The following ROCK2 variants were observed in gnomAD, a reference collection of about 807,000 sequenced individuals.
ROCK2 encodes rho-associated protein kinase 2.
Under a neutral mutation model 195.1 loss-of-function variants are expected in ROCK2, and 61 were observed. The observed-to-expected ratio is 0.31, with a 90% CI of 0.25 to 0.39. ROCK2 has a LOEUF of 0.39. Ranked by LOEUF, ROCK2 falls within the 10% of genes least tolerant of loss-of-function variation. The probability of loss-of-function intolerance (pLI) is 1.00; values close to 1 mark genes in which losing one functional copy is unlikely to be tolerated. For missense variants in ROCK2, 1,109 were observed against 1,637.4 expected, an observed-to-expected ratio of 0.68 and a Z score of 5.57; for synonymous variants, 504 against 545.5, an observed-to-expected ratio of 0.92 and a Z score of 1.06.
intron 1 of ROCK2, among the ~76,000 whole-genome samples, 185 bp from the exon 2 acceptor site, chr2:11,287,921 T>C (rs1214408250): frequency 6.6e-6 from 1 of 152,204 alleles, no homozygotes; most frequent in Non-Finnish European, 1.5e-5. Context: ...CAGAGAATAT[T>C]AGGACTGCCC....
chr2:11,303,943 C>T (rs72789514), intron 1 of ROCK2, among the ~76,000 whole-genome samples: 1 of 152,106 alleles, frequency 6.6e-6, no homozygotes, highest in African/African-American at 2.4e-5. Flanking sequence ...GACTGCCTTG[C>T]CCTATTATTT....
chr2:11,190,988 C>T (rs575357256), intron 32 of ROCK2, among the ~76,000 whole-genome samples: 1 of 152,240 alleles, frequency 6.6e-6, no homozygotes, highest in East Asian at 1.9e-4. Context: ...TGCTGAAACA[C>T]CAATTCTGCC....
At chr2:11,317,122 A>G (rs1045041462) in intron 1 of ROCK2, among the ~76,000 whole-genome samples, 1 of 152,144 alleles carries the variant, frequency 6.6e-6, no homozygotes, top group African/African-American at 2.4e-5. Flanking sequence ...GGAAAGCTTA[A>G]CTTTTCCTGC....
intron 17 of ROCK2, among the ~76,000 whole-genome samples, chr2:11,212,461 C>G (rs557766113): frequency 6.6e-6 from 1 of 151,996 alleles, no homozygotes; most frequent in East Asian, 1.9e-4. Flanking sequence ...AACTCACTGC[C>G]CCCCTTAAAA....
Position 11,286,605 on chromosome 2 carries a change from C to G in ROCK2, c.258G>C (p.Gln86His). 1.9e-6 allele frequency: 3 copies of G among 1,610,162 alleles called. No individual in the cohort carries two copies. The highest frequency in any genetic ancestry group is 2.5e-6 in the Non-Finnish European group (3 of 1,177,466). The part of the protein sequence containing the change: ...EKIVKKIRGL[Q>H]MKAEDYDVVK... ...CAACATCATAGTCTTCTGCCTTCAT[C>G]TGTAGACCTCTGATTTTTTTCACAA... Residue 86 changes from glutamine (Q) to histidine (H), a missense_variant, in exon 3 of 33, where the codon CAG becomes CAC. Gln to His is a conservative substitution (Grantham distance 24, BLOSUM62 0). Around this residue, in one of 6 missense-constraint regions of ROCK2, gnomAD observed 253 missense variants for 455.5 expected, o/e 0.56. Coordinates refer to ENST00000315872, the MANE Select transcript of ROCK2 (RefSeq NM_004850.5).
intron 1 of ROCK2, among the ~76,000 whole-genome samples, chr2:11,292,112 C>G (rs72787701): frequency 0.043 from 6,461 of 151,982 alleles, 276 homozygotes; most frequent in Non-Finnish European, 0.06. Context: ...ATTTCTAAAT[C>G]ACTGTTCACC....
rs1332920933 is a variant in ROCK2 at position 11,182,915 on chromosome 2, T to C, written c.*522A>G. ...TGATTAATGTGTATAAAAAATAAAG[T>C]GGGAAGTTTAAAAAACCTTCTTGCA... On this transcript the variant is annotated 3_prime_UTR_variant, in exon 33 of 33. Coordinates refer to ENST00000315872, the MANE Select transcript of ROCK2 (RefSeq NM_004850.5). 2 of 152,426 alleles carry C rather than the reference T, an allele frequency of 1.3e-5. No individual in the cohort carries two copies. Among genetic ancestry groups the C allele is most frequent in the Non-Finnish European group, 2.9e-5 (2 of 67,984 alleles). The allele number at this position is 152,426 out of a possible 1,614,324, so 9.4% of individuals were successfully genotyped here.
At chr2:11,208,968 A>G (rs1266722532) in intron 18 of ROCK2, among the ~76,000 whole-genome samples, 1 of 152,184 alleles carries the variant, frequency 6.6e-6, no homozygotes, top group African/African-American at 2.4e-5. Context: ...AAAATGTATC[A>G]CACTCTGCAA....
chr2:11,245,424 G>T (rs1665578705), intron 4 of ROCK2, among the ~76,000 whole-genome samples: 1 of 151,936 alleles, frequency 6.6e-6, no homozygotes, highest in Non-Finnish European at 1.5e-5. Context: ...ATTTAAAATA[G>T]TTACAATATC....
intron 3 of ROCK2, among the ~76,000 whole-genome samples, chr2:11,260,695 G>A (rs1480580727): frequency 6.6e-6 from 1 of 152,098 alleles, no homozygotes; most frequent in Admixed American, 6.6e-5. Context: ...ATCAACAGAA[G>A]CTAAAATATA....
At position 11,192,286 on chromosome 2, in the gene ROCK2, C is replaced by T. The variant is rs1460194351; in HGVS notation, c.4025G>A (p.Ser1342Asn). 1.9e-6 allele frequency: 3 copies of T among 1,613,876 alleles called. No individual in the cohort carries two copies. The African/African-American group carries it at 4.0e-5, about 22-fold the overall frequency. The change falls in exon 32 of 33, where the codon AGT becomes AAT. Residue 1342 changes from serine (S) to asparagine (N), a missense_variant. Physicochemically the swap from Ser to Asn is conservative, Grantham distance 46 (BLOSUM62 1). Coordinates refer to ENST00000315872, the MANE Select transcript of ROCK2 (RefSeq NM_004850.5). This position sits in a 1 kb window ranked among gnomAD's most constrained non-coding sequence, Gnocchi z 5.0. ...TTTAGGTATCTTTTTCACCAACCGA[C>T]TAACCCACTTCTGCTGCTCTTCTGT... The part of the protein sequence containing the change: ...NSTEEQQKWV[S>N]RLVKKIPKKP...
At chr2:11,286,399 A>G (rs1667190700) in intron 3 of ROCK2, 140 bp downstream of exon 3, 3 of 580,386 alleles carry the variant, frequency 5.2e-6, no homozygotes. Flanking sequence ...TTCCTTTTAT[A>G]GATGAGGACA....
intron 1 of ROCK2, among the ~76,000 whole-genome samples, chr2:11,317,612 A>ATATATATATATATATATTTTTTTT (rs59701503): frequency 5.2e-5 from 1 of 19,312 alleles, no homozygotes; most frequent in African/African-American, 1.6e-4. Context: ...ATATATATAT[A>ATATATATATATATATATTTTTTTT]TTTTTTTTTT....
chr2:11,199,421 A>T (rs1423411565), intron 23 of ROCK2, among the ~76,000 whole-genome samples: 1 of 151,140 alleles, frequency 6.6e-6, no homozygotes, highest in Non-Finnish European at 1.5e-5. Context: ...GGCTCTAAGG[A>T]TCCTCCCACC....
intron 3 of ROCK2, among the ~76,000 whole-genome samples, chr2:11,280,884 G>T (rs1301135263): frequency 6.6e-6 from 1 of 152,068 alleles, no homozygotes; most frequent in Non-Finnish European, 1.5e-5. Flanking sequence ...GATGTAGAGG[G>T]AATATTTCCA....
At chr2:11,280,306 C>T (rs1321082818) in intron 3 of ROCK2, among the ~76,000 whole-genome samples, 2 of 152,012 alleles carry the variant, frequency 1.3e-5, no homozygotes, top group African/African-American at 4.8e-5. Flanking sequence ...GGGAAAACCA[C>T]TAAGGATTCC....
At chr2:11,318,187 C>A (rs1668285740) in intron 1 of ROCK2, among the ~76,000 whole-genome samples, 1 of 152,178 alleles carries the variant, frequency 6.6e-6, no homozygotes, top group Non-Finnish European at 1.5e-5. Flanking sequence ...GGAATTGCCA[C>A]ACTGTCTTCC....
At chr2:11,236,156 A>G (rs1665195866) in intron 4 of ROCK2, among the ~76,000 whole-genome samples, 194 bp from the exon 5 acceptor site, 1 of 152,184 alleles carries the variant, frequency 6.6e-6, no homozygotes, top group Non-Finnish European at 1.5e-5. Flanking sequence ...AAATTTTTAT[A>G]TGGGTACCTT....
At chr2:11,321,324 C>T (rs1668392964) in intron 1 of ROCK2, among the ~76,000 whole-genome samples, 1 of 151,888 alleles carries the variant, frequency 6.6e-6, no homozygotes, top group Non-Finnish European at 1.5e-5. Flanking sequence ...TACAGGTGCA[C>T]GCCACCGCAC....
Sources: allele counts gnomAD v4.1 joint callset (sites outside exome capture counted in the v4.1 genomes callset), GRCh38; gene constraint gnomAD v4.1.1; regional missense constraint gnomAD v4.1.1; non-coding constraint Gnocchi (gnomAD v3.1); transcripts MANE v1.5; gene names NCBI Gene and HGNC (gene_info 2026-07-23, HGNC 2026-07-21).